Variants in TIPARP observed in about 807,000 individuals in gnomAD.
The protein encoded by TIPARP is TCDD inducible poly(ADP-ribose) polymerase, also known as protein mono-ADP-ribosyltransferase TIPARP.
TIPARP carries 12 observed loss-of-function variants against 56.5 expected under a neutral mutation model. That is an observed-to-expected ratio of 0.21 (90% confidence interval 0.14 to 0.34). The LOEUF (loss-of-function observed/expected upper bound fraction) is 0.34. Among genes scored for constraint, TIPARP ranks in the 10% least tolerant of loss-of-function variants. The pLI is 1.00. For missense variants in TIPARP, 604 were observed against 781.6 expected (o/e 0.77, Z 2.71); for synonymous variants, 296 against 265.7 (o/e 1.11, Z -1.11).
chr3:156,682,534 A>G (rs1291300939), intron 2 of TIPARP, among the ~76,000 whole-genome samples: 2 of 152,244 alleles, frequency 1.3e-5, no homozygotes, highest in Admixed American at 6.5e-5. Context: ...AGAAATGTAT[A>G]TTAATGATCA....
At chr3:156,679,607 C>T (rs1386829635) in intron 2 of TIPARP, among the ~76,000 whole-genome samples, 1 of 152,144 alleles carries the variant, frequency 6.6e-6, no homozygotes, top group Non-Finnish European at 1.5e-5. Context: ...CACTTCTGTC[C>T]ATGCTCCCTG....
At chr3:156,675,708 A>T (rs1722106935) in intron 1 of TIPARP, 1 of 152,048 alleles carries the variant, frequency 6.6e-6, no homozygotes, top group African/African-American at 2.4e-5. Flanking sequence ...GCGGGCGGGC[A>T]GGCTTTGGAG....
intron 1 of TIPARP, 120 bp from the exon 2 acceptor site, chr3:156,677,536 TA>T: frequency 3.1e-6 from 2 of 646,412 alleles, no homozygotes; most frequent in Non-Finnish European, 4.8e-6. Context: ...AAAAACTAAA[TA>T]TAGTATAAGA....
intron 2 of TIPARP, among the ~76,000 whole-genome samples, chr3:156,693,525 G>A (rs983168785): frequency 3.3e-5 from 5 of 152,034 alleles, no homozygotes; most frequent in Non-Finnish European, 5.9e-5. Flanking sequence ...GGCTTTATCC[G>A]GATTCATTTT....
chr3:156,700,679 G>A (rs1005802374), intron 4 of TIPARP, among the ~76,000 whole-genome samples: 1 of 152,208 alleles, frequency 6.6e-6, no homozygotes, highest in African/African-American at 2.4e-5. Context: ...TTTATCCCAT[G>A]CAGTCACCTC....
In TIPARP at chr3:156,679,434, C is replaced by T. The variant is rs188412838; in HGVS notation, c.917+820C>T. ...TTTAAAATGAAGAAAATGATAGTTGCCTCATGTAAAGTTGCTAGTGCAAAA... is the reference window on the plus strand; with the variant it reads ...TTTAAAATGAAGAAAATGATAGTTGTCTCATGTAAAGTTGCTAGTGCAAAA... On this transcript the variant is annotated intron_variant, in intron 2 of 5. Transcript: ENST00000295924. Among the ~76,000 whole-genome samples, 7 of 152,226 alleles carry T rather than the reference C, an allele frequency of 4.6e-5. No homozygotes were observed. In the East Asian group the frequency reaches 1.3e-3, roughly 29 times the overall value.
In TIPARP at chr3:156,705,347, C is replaced by T; in HGVS notation, c.*216C>T. The T allele has an allele frequency of 8.8e-6, 4 of 453,956 alleles. No individual in the cohort carries two copies. The South Asian group carries it at 1.2e-4, about 14-fold the overall frequency. The allele number at this position is 453,956 out of a possible 1,614,324, so 28.1% of individuals were successfully genotyped here. On this transcript the variant is annotated 3_prime_UTR_variant, in exon 6 of 6. Transcript: ENST00000295924. ...TAATTATTTACTAATTGCTAGTGTA[C>T]TCAGTGTGGAAAAGACTACAGATTA...
chr3:156,677,142 G>C (rs531081828), intron 1 of TIPARP, among the ~76,000 whole-genome samples: 3 of 152,274 alleles, frequency 2.0e-5, no homozygotes, highest in South Asian at 4.2e-4. Flanking sequence ...ACTTGTGTAT[G>C]TTCTTATACC....
At chr3:156,699,761 C>G (rs1382113927) in intron 4 of TIPARP, among the ~76,000 whole-genome samples, 1 of 152,032 alleles carries the variant, frequency 6.6e-6, no homozygotes, top group Non-Finnish European at 1.5e-5. Context: ...TTTCCTTTTT[C>G]TTTTAAAAAT....
intron 4 of TIPARP, among the ~76,000 whole-genome samples, chr3:156,697,593 T>C (rs995600908): frequency 2.6e-5 from 4 of 152,192 alleles, no homozygotes; most frequent in African/African-American, 9.7e-5. Flanking sequence ...TTTTTACAAA[T>C]TGAAGGTCTG....
chr3:156,678,080 C>T lies in TIPARP; in HGVS notation c.383C>T (p.Thr128Ile). 3.1e-6 allele frequency: 5 copies of T among 1,614,136 alleles called. No homozygotes were observed. Among genetic ancestry groups the T allele is most frequent in the Non-Finnish European group, 4.2e-6 (5 of 1,180,038 alleles). Residue 128 changes from threonine to isoleucine, a missense_variant, in exon 2 of 6, where the codon ACT becomes ATT. Physicochemically the swap from Thr to Ile is moderately conservative, Grantham distance 89. This residue lies in a region of TIPARP where 261 missense variants were observed against 279.2 expected (regional missense o/e 0.93). Transcript: ENST00000295924. ...GDQIPEAHPS[T>I]EAPERVVPIQ... ...CAGATACCGGAAGCCCATCCTTCCACTGAAGCTCCAGAACGAGTGGTTCCA... is the reference window on the plus strand; with the variant it reads ...CAGATACCGGAAGCCCATCCTTCCATTGAAGCTCCAGAACGAGTGGTTCCA...
At chr3:156,699,272 C>T (rs968465815) in intron 4 of TIPARP, among the ~76,000 whole-genome samples, 25 of 152,202 alleles carry the variant, frequency 1.6e-4, no homozygotes, top group Non-Finnish European at 2.5e-4. Context: ...AGAAGTTCTG[C>T]GGGTAAAATG....
Position 156,688,091 on chromosome 3 carries a change from G to C in TIPARP, c.918-5929G>C, listed in dbSNP as rs555424371. On this transcript the variant is annotated intron_variant, in intron 2 of 5. Coordinates refer to ENST00000295924, the MANE Select transcript of TIPARP (RefSeq NM_015508.5). ...TGTCATAGTGTGGTAATTAAGTGTAGAATTTTAACCTCTGAGGCTGGGCGC... is the reference window on the plus strand; with the variant it reads ...TGTCATAGTGTGGTAATTAAGTGTACAATTTTAACCTCTGAGGCTGGGCGC... 9.4e-4 allele frequency among the ~76,000 whole-genome samples: 143 copies of C among 152,188 alleles called. 1 individual carries two copies. Among genetic ancestry groups the C allele is most frequent in the South Asian group, 5.2e-3 (25 of 4,812 alleles).
rs570925149 is a variant in TIPARP at position 156,696,035 on chromosome 3, G to A, written c.1247+10G>A. 6.2e-6 allele frequency: 10 copies of A among 1,600,124 alleles called. No homozygotes were observed. Among genetic ancestry groups the A allele is most frequent in the African/African-American group, 2.7e-5 (2 of 73,802 alleles). The stretch of plus-strand genomic sequence containing the variant: ...TGCTTCCATATTTACAGTAAGTGTC[G>A]AGTATGAAGTTGCAATATTTACTCT... On this transcript the variant is annotated intron_variant, in intron 4 of 5. Transcript: ENST00000295924.
chr3:156,693,946 A>G, intron 2 of TIPARP, 74 bp from the exon 3 acceptor site: 1 of 1,447,506 alleles, frequency 6.9e-7, no homozygotes, highest in Non-Finnish European at 9.2e-7. Flanking sequence ...ATGTCCAATG[A>G]TATTTTTAGA....
chr3:156,704,111 C>A (rs1422983214), intron 5 of TIPARP, among the ~76,000 whole-genome samples: 1 of 151,834 alleles, frequency 6.6e-6, no homozygotes, highest in African/African-American at 2.4e-5. Flanking sequence ...AATTTATGTT[C>A]ATATTTTCTG....
intron 2 of TIPARP, among the ~76,000 whole-genome samples, chr3:156,692,554 G>T (rs1382182855): frequency 6.6e-6 from 1 of 152,012 alleles, no homozygotes; most frequent in Non-Finnish European, 1.5e-5. Context: ...CTCTTACTAA[G>T]CAAGAAGTTT....
intron 1 of TIPARP, chr3:156,676,526 G>A (rs1722133980): frequency 6.6e-6 from 1 of 152,160 alleles, no homozygotes; most frequent in African/African-American, 2.4e-5. Context: ...AAATATATAT[G>A]GAACACCAGC....
chr3:156,705,153 T>C lies in TIPARP; in HGVS notation c.*22T>C. The C allele has an allele frequency of 6.5e-7, 1 of 1,541,946 alleles. No homozygotes were observed. The highest frequency in any genetic ancestry group is 8.7e-7 in the Non-Finnish European group (1 of 1,143,704). The stretch of plus-strand genomic sequence containing the variant: ...TTGAAAAATCTTGGTACTGCTAAAT[T>C]ATTTGATATGAACTCAATCCAGCAT... On this transcript the variant is annotated 3_prime_UTR_variant, in exon 6 of 6. Transcript: ENST00000295924.
Sources: allele counts gnomAD v4.1 joint callset (sites outside exome capture counted in the v4.1 genomes callset), GRCh38; gene constraint gnomAD v4.1.1; regional missense constraint gnomAD v4.1.1; transcripts MANE v1.5; gene names NCBI Gene and HGNC (gene_info 2026-07-23, HGNC 2026-07-21).